Variants in GALNT13 observed in about 807,000 individuals in gnomAD.
GALNT13 encodes polypeptide N-acetylgalactosaminyltransferase 13.
Under a neutral mutation model 64.2 loss-of-function variants are expected in GALNT13, and 28 were observed. The observed-to-expected ratio is 0.44, with a 90% confidence interval of 0.32 to 0.60. GALNT13 has a LOEUF of 0.60. GALNT13 is among the 20% of genes least tolerant of loss of function. The probability of loss-of-function intolerance (pLI) is 0.05; values close to 1 mark genes in which losing one functional copy is unlikely to be tolerated. For missense variants in GALNT13, 577 were observed against 669.8 expected (o/e 0.86, Z 1.53); for synonymous variants, 214 against 224.6 (o/e 0.95, Z 0.42).
the GALNT13 span, among the ~76,000 whole-genome samples, chr2:153,769,760 CA>C: frequency 6.6e-6 from 1 of 152,164 alleles, no homozygotes; most frequent in Non-Finnish European, 1.5e-5. Context: ...CCATATTTCT[CA>C]AAGGATTTGC....
the GALNT13 span, among the ~76,000 whole-genome samples, chr2:153,778,115 A>G: frequency 1.3e-5 from 2 of 152,058 alleles, no homozygotes; most frequent in African/African-American, 4.8e-5. Flanking sequence ...CTGGCATGCC[A>G]GTGTGCTCCT....
the GALNT13 span, among the ~76,000 whole-genome samples, chr2:153,639,308 G>A: frequency 6.6e-6 from 1 of 152,048 alleles, no homozygotes; most frequent in Non-Finnish European, 1.5e-5. Flanking sequence ...GAAAGACACT[G>A]GTGAGTGGAA....
At chr2:153,619,972 T>G in the GALNT13 span, among the ~76,000 whole-genome samples, 1 of 152,132 alleles carries the variant, frequency 6.6e-6, no homozygotes, top group East Asian at 1.9e-4. Flanking sequence ...CTTCTTTTAA[T>G]TAGATATTGA....
chr2:154,055,018 GA>G (rs1699828143), intron 3 of GALNT13, among the ~76,000 whole-genome samples: 1 of 151,794 alleles, frequency 6.6e-6, no homozygotes, highest in African/African-American at 2.4e-5. Context: ...GCATATGTAT[GA>G]CAAATTATTC....
chr2:153,424,570 G>A, the GALNT13 span, among the ~76,000 whole-genome samples: 1,893 of 151,936 alleles, frequency 0.012, 20 homozygotes, highest in South Asian at 0.026. Flanking sequence ...CTGCAATAAA[G>A]TAACATTTTA....
At chr2:153,148,648 G>A in the GALNT13 span, among the ~76,000 whole-genome samples, 2 of 151,518 alleles carry the variant, frequency 1.3e-5, no homozygotes, top group African/African-American at 2.4e-5. Context: ...ATTAGAAAGG[G>A]AAAAAATATA....
the GALNT13 span, among the ~76,000 whole-genome samples, chr2:153,582,396 C>A: frequency 6.6e-6 from 1 of 151,846 alleles, no homozygotes; most frequent in Admixed American, 6.6e-5. Flanking sequence ...CATTCAAATA[C>A]CTGAGCTGAA....
At chr2:153,087,842 AT>A in the GALNT13 span, among the ~76,000 whole-genome samples, 1 of 152,050 alleles carries the variant, frequency 6.6e-6, no homozygotes, top group African/African-American at 2.4e-5. Flanking sequence ...AATTGAACTT[AT>A]TTCGATATTC....
the GALNT13 span, among the ~76,000 whole-genome samples, chr2:153,406,205 G>A: frequency 7.9e-5 from 12 of 152,026 alleles, no homozygotes; most frequent in African/African-American, 2.9e-4. Flanking sequence ...TGGCTTTTGT[G>A]TACAGAAAAT....
chr2:153,759,739 C>A, the GALNT13 span, among the ~76,000 whole-genome samples: 1 of 151,800 alleles, frequency 6.6e-6, no homozygotes, highest in Admixed American at 6.6e-5. Flanking sequence ...GGGATTTTTG[C>A]ATTTATTTTC....
At chr2:153,879,929 C>G (rs1374046862) in intron 1 of GALNT13, among the ~76,000 whole-genome samples, 2 of 152,082 alleles carry the variant, frequency 1.3e-5, no homozygotes, top group African/African-American at 4.8e-5. Context: ...GACTTGGCCT[C>G]TAATTAGACC....
the GALNT13 span, among the ~76,000 whole-genome samples, chr2:153,570,606 C>T: frequency 6.6e-6 from 1 of 152,156 alleles, no homozygotes; most frequent in African/African-American, 2.4e-5. Context: ...AAATTTAAGC[C>T]TTCAATCCAT....
intron 9 of GALNT13, among the ~76,000 whole-genome samples, chr2:154,302,658 G>A (rs1693508995): frequency 6.6e-6 from 1 of 152,194 alleles, no homozygotes; most frequent in African/African-American, 2.4e-5. Context: ...GTTATAGGTT[G>A]ATGTTACACA....
chr2:154,226,162 A>C (rs1271896965), intron 4 of GALNT13, among the ~76,000 whole-genome samples: 1 of 152,124 alleles, frequency 6.6e-6, no homozygotes, highest in African/African-American at 2.4e-5. Flanking sequence ...AGGTCAGAGA[A>C]AATCTTTTAT....
At chr2:154,298,827 CATTATATATAAATT>C (rs1559076416) in intron 8 of GALNT13, among the ~76,000 whole-genome samples, 1 of 3,364 alleles carries the variant, frequency 3.0e-4, no homozygotes, top group Non-Finnish European at 6.9e-4. Context: ...TTTATATATA[CATTATATATAAATT>C]ATATATTATT....
the GALNT13 span, among the ~76,000 whole-genome samples, chr2:153,658,069 T>C: frequency 1.3e-5 from 2 of 152,116 alleles, no homozygotes; most frequent in Non-Finnish European, 2.9e-5. Context: ...GGTCCAAAAA[T>C]TAGATGTCTG....
chr2:153,382,318 G>A, the GALNT13 span, among the ~76,000 whole-genome samples: 4 of 151,904 alleles, frequency 2.6e-5, no homozygotes, highest in Non-Finnish European at 4.4e-5. Flanking sequence ...TCAACCAGTG[G>A]CCCCCTCCTT....
At chr2:153,649,773 T>A in the GALNT13 span, among the ~76,000 whole-genome samples, 1 of 152,102 alleles carries the variant, frequency 6.6e-6, no homozygotes, top group Non-Finnish European at 1.5e-5. Context: ...AGTTGAGCGG[T>A]TTTGAGTGAG....
At chr2:153,912,821 C>T (rs1689051638) in intron 2 of GALNT13, among the ~76,000 whole-genome samples, 1 of 152,310 alleles carries the variant, frequency 6.6e-6, no homozygotes, top group Non-Finnish European at 1.5e-5. Context: ...GGTCACAATA[C>T]TTGTATGCAT....
Sources: gnomAD v4.1 joint callset for allele counts (sites outside exome capture counted in the v4.1 genomes callset) on GRCh38, gnomAD v4.1.1 for gene constraint, MANE v1.5 for transcripts, NCBI Gene and HGNC (gene_info 2026-07-23, HGNC 2026-07-21) for gene names.